The following STT3B variants were observed in gnomAD, a reference collection of about 807,000 sequenced individuals.
STT3B encodes STT3 oligosaccharyltransferase complex catalytic subunit B.
In STT3B, 29 loss-of-function variants were observed where a neutral mutation model predicts 96.8. The observed-to-expected ratio is 0.30, with a 90% CI of 0.22 to 0.41. STT3B has a LOEUF of 0.41. Among genes scored for constraint, STT3B ranks in the 10% least tolerant of loss-of-function variants. STT3B has a pLI of 1.00. For synonymous variants in STT3B, 367 were observed against 360.0 expected (o/e 1.02, Z -0.22); for missense variants, 640 against 1,022.3 (o/e 0.63, Z 5.10).
intron 1 of STT3B, among the ~76,000 whole-genome samples, chr3:31,573,150 A>C (rs1174090626): frequency 6.6e-6 from 1 of 152,128 alleles, no homozygotes; most frequent in Admixed American, 6.6e-5. Context: ...AAAGATGGAA[A>C]GAAGAGAGGT....
At chr3:31,618,287 T>TACCTAACA (rs1699353397) in intron 8 of STT3B, among the ~76,000 whole-genome samples, 1 of 151,600 alleles carries the variant, frequency 6.6e-6, no homozygotes, top group Admixed American at 6.6e-5. Context: ...GATTTGTCTT[T>TACCTAACA]TATAACATTT....
At chr3:31,583,230 G>A (rs1343989863) in intron 3 of STT3B, among the ~76,000 whole-genome samples, 1 of 151,994 alleles carries the variant, frequency 6.6e-6, no homozygotes, top group Non-Finnish European at 1.5e-5. Flanking sequence ...ATAAATGTTT[G>A]CAATTGCTAT....
At chr3:31,635,506 ATT>A (rs1699739329) in intron 15 of STT3B, among the ~76,000 whole-genome samples, 1 of 152,114 alleles carries the variant, frequency 6.6e-6, no homozygotes, top group Non-Finnish European at 1.5e-5. Context: ...GTGCCAAGTG[ATT>A]ATATCTCTCA....
intron 5 of STT3B, among the ~76,000 whole-genome samples, chr3:31,604,655 A>G (rs1015942383): frequency 2.6e-5 from 4 of 152,230 alleles, no homozygotes; most frequent in Non-Finnish European, 4.4e-5. Context: ...AGTGTAATCA[A>G]TTTAATAGCA....
At chr3:31,567,642 CAA>C (rs1248402723) in intron 1 of STT3B, among the ~76,000 whole-genome samples, 1 of 152,056 alleles carries the variant, frequency 6.6e-6, no homozygotes, top group Non-Finnish European at 1.5e-5. Context: ...TTTGCCACCT[CAA>C]AATTTGTTTT....
chr3:31,580,738 T>G (rs922469318), intron 3 of STT3B, among the ~76,000 whole-genome samples: 2 of 152,082 alleles, frequency 1.3e-5, no homozygotes, highest in Non-Finnish European at 2.9e-5. Context: ...TAATGAGTAT[T>G]TTTGCTCTAG....
At chr3:31,632,250 C>G (rs1402458650) in intron 14 of STT3B, among the ~76,000 whole-genome samples, 2 of 152,120 alleles carry the variant, frequency 1.3e-5, no homozygotes, top group Non-Finnish European at 2.9e-5. Flanking sequence ...TATTTGGCCT[C>G]CTTTGTAGTT....
At chr3:31,633,298 G>C (rs1216670052) in intron 15 of STT3B, 151 bp downstream of exon 15, 2 of 700,604 alleles carry the variant, frequency 2.9e-6, no homozygotes, top group East Asian at 2.8e-5. Flanking sequence ...AGCCTAGCCT[G>C]CTAGGAGCAT....
chr3:31,632,026 T>C (rs1300437396), intron 14 of STT3B, among the ~76,000 whole-genome samples: 1 of 152,092 alleles, frequency 6.6e-6, no homozygotes, highest in Non-Finnish European at 1.5e-5. Context: ...CAGTTAATTT[T>C]TGTATTTTTT....
intron 5 of STT3B, among the ~76,000 whole-genome samples, chr3:31,612,480 GTCTGTT>G (rs950617475): frequency 3.9e-5 from 6 of 152,286 alleles, no homozygotes; most frequent in South Asian, 2.1e-4. Context: ...TTGAAAACTT[GTCTGTT>G]TCTATTAGTT....
At position 31,541,161 on chromosome 3, in the gene STT3B, TAATTC is replaced by T. The variant is rs937853689; in HGVS notation, c.314+7851_314+7855del. ...AAGGATTTCATTAGAGGAGAAAAGA[TAATTC>T]AGTTTCAGTTTTTAAAGCAATTTTC... On this transcript the variant is annotated intron_variant, in intron 1 of 15. Coordinates refer to ENST00000295770, the MANE Select transcript of STT3B (RefSeq NM_178862.3). Among the ~76,000 whole-genome samples, 27 of 152,306 alleles carry T rather than the reference TAATTC, an allele frequency of 1.8e-4. 2 individuals are homozygous for T. The highest frequency in any genetic ancestry group is 1.7e-3 in the East Asian group (9 of 5,188).
chr3:31,633,024 C>G lies in STT3B; in HGVS notation c.2277C>G (p.Ala759=). The G allele has an allele frequency of 6.2e-7, 1 of 1,614,064 alleles. No homozygotes were observed. Among genetic ancestry groups the G allele is most frequent in the South Asian group, 1.1e-5 (1 of 91,076 alleles). Reference sequence around the variant, plus strand: ...TTAAATTCAAACATTTGGAAGAAGCCTTTACATCAGAACACTGGCTTGTTA... The same window carrying G: ...TTAAATTCAAACATTTGGAAGAAGCGTTTACATCAGAACACTGGCTTGTTA... The part of the protein sequence containing the change: ...KDIKFKHLEE[A]FTSEHWLVRI... The change falls in exon 15 of 16, where the codon GCC becomes GCG. Residue 759 remains alanine (A), a synonymous_variant. Transcript: ENST00000295770.
chr3:31,628,923 G>A (rs1257249165), intron 13 of STT3B, among the ~76,000 whole-genome samples: 1 of 152,062 alleles, frequency 6.6e-6, no homozygotes. Context: ...TGGACAACAT[G>A]GTGAAACCCT....
In STT3B at chr3:31,600,409, A is replaced by G; in HGVS notation, c.827A>G (p.His276Arg). The G allele has an allele frequency of 6.2e-7, 1 of 1,600,968 alleles. No homozygotes were observed. The highest frequency in any genetic ancestry group is 8.5e-7 in the Non-Finnish European group (1 of 1,170,950). The part of the protein sequence containing the change: ...YVFIINLIPL[H>R]VFVLLLMQRY... The stretch of plus-strand genomic sequence containing the variant: ...TTTATCATCAATCTTATTCCACTGC[A>G]TGTATTTGTGTTGTTACTGATGCAG... The change falls in exon 5 of 16, where the codon CAT becomes CGT. Residue 276 changes from histidine to arginine, a missense_variant. Coordinates refer to ENST00000295770, the MANE Select transcript of STT3B (RefSeq NM_178862.3).
intron 3 of STT3B, among the ~76,000 whole-genome samples, chr3:31,595,583 A>G (rs1219272177): frequency 2.6e-5 from 4 of 152,092 alleles, no homozygotes; most frequent in Non-Finnish European, 5.9e-5. Flanking sequence ...AGTACCTTTC[A>G]TCAATCCTAA....
rs535306621 is a variant in STT3B at position 31,601,674 on chromosome 3, T to G, written c.877+1215T>G. ...GGTCTCTTTCAAGGATGAGGAAATATTTTAGAATTATATAGTAGTGATGGT... is the reference window on the plus strand; with the variant it reads ...GGTCTCTTTCAAGGATGAGGAAATAGTTTAGAATTATATAGTAGTGATGGT... On this transcript the variant is annotated intron_variant, in intron 5 of 15. Transcript: ENST00000295770. 2.0e-5 allele frequency among the ~76,000 whole-genome samples: 3 copies of G among 152,246 alleles called. No individual in the cohort carries two copies. The South Asian group carries it at 6.2e-4, about 32-fold the overall frequency.
intron 13 of STT3B, among the ~76,000 whole-genome samples, chr3:31,627,194 G>A (rs2125478081): frequency 6.6e-6 from 1 of 152,272 alleles, no homozygotes; most frequent in East Asian, 1.9e-4. Context: ...GGAGGTAAGG[G>A]GCAGGTGAGC....
chr3:31,595,274 A>G (rs941067023), intron 3 of STT3B, among the ~76,000 whole-genome samples: 2 of 152,210 alleles, frequency 1.3e-5, no homozygotes, highest in African/African-American at 4.8e-5. Context: ...TTCTGTAACA[A>G]GGGGAGTTAA....
rs974722031 is a variant in STT3B, at chr3:31,618,547, T to C, written c.1172+559T>C. Among the ~76,000 whole-genome samples, 5 of 152,138 alleles carry C rather than the reference T, an allele frequency of 3.3e-5. No homozygotes were observed. In the South Asian group the frequency reaches 1.0e-3, roughly 31 times the overall value. The stretch of plus-strand genomic sequence containing the variant: ...TAAAACTTTTTTTCTCTAAAATGTT[T>C]TCCTGGAGATTAGAAAATATCTATT... On this transcript the variant is annotated intron_variant, in intron 8 of 15. Transcript: ENST00000295770.
Sources: gnomAD v4.1 joint callset for allele counts (sites outside exome capture counted in the v4.1 genomes callset) on GRCh38, gnomAD v4.1.1 for gene constraint, MANE v1.5 for transcripts, NCBI Gene and HGNC (gene_info 2026-07-23, HGNC 2026-07-21) for gene names.